The following ARHGAP39 variants were observed in gnomAD, a reference collection of about 807,000 sequenced individuals.
ARHGAP39 encodes rho GTPase-activating protein 39.
Under a neutral mutation model 106.9 loss-of-function variants are expected in ARHGAP39, and 44 were observed. The observed-to-expected ratio is 0.41, with a 90% confidence interval of 0.32 to 0.53. The LOEUF (loss-of-function observed/expected upper bound fraction) is 0.53. ARHGAP39 is among the 20% of genes least tolerant of loss of function. The pLI, the probability that ARHGAP39 is intolerant of heterozygous loss-of-function variation, is 0.21. For synonymous variants in ARHGAP39, 768 were observed against 693.2 expected, an observed-to-expected ratio of 1.11 and a Z score of -1.69; for missense variants, 1,496 against 1,577.3, an observed-to-expected ratio of 0.95 and a Z score of 0.87.
At chr8:144,611,958 G>A (rs368945652) in intron 1 of ARHGAP39, among the ~76,000 whole-genome samples, 294 of 151,158 alleles carry the variant, frequency 1.9e-3, no homozygotes, top group African/African-American at 6.4e-3. Context: ...GCAGTGGGCC[G>A]AGATTGCACC....
chr8:144,570,541 T>A (rs562438148), intron 3 of ARHGAP39, among the ~76,000 whole-genome samples: 1 of 152,248 alleles, frequency 6.6e-6, no homozygotes, highest in South Asian at 2.1e-4. Context: ...ATAGGAAAAG[T>A]CTAGCAGGAA....
In ARHGAP39 at chr8:144,605,705, G is replaced by T; in HGVS notation, c.-81-10C>A. 1 of 1,301,630 alleles carries T rather than the reference G, an allele frequency of 7.7e-7. No homozygotes were observed. Among genetic ancestry groups the T allele is most frequent in the Non-Finnish European group, 1.1e-6 (1 of 912,900 alleles). The allele number at this position is 1,301,630 out of a possible 1,614,324, so 80.6% of individuals were successfully genotyped here. A position where few individuals can be genotyped will look rare whatever the true frequency, so the allele number is the denominator to read the frequency against. On this transcript the variant is annotated splice_polypyrimidine_tract_variant and intron_variant, in intron 1 of 11. Coordinates refer to ENST00000377307, the MANE Select transcript of ARHGAP39 (RefSeq NM_025251.3). ...ACGGGAAGGTGCCGCACTGCAAGAG[G>T]GGAGAAGCAACAGTGCTGATATGGA... is the stretch of plus-strand genomic sequence containing the variant.
the ARHGAP39 span, among the ~76,000 whole-genome samples, chr8:144,691,422 G>A: frequency 8.5e-5 from 13 of 152,130 alleles, no homozygotes; most frequent in Admixed American, 5.9e-4. Context: ...AAACTCACCC[G>A]TCCAAACCCA....
intron 2 of ARHGAP39, among the ~76,000 whole-genome samples, chr8:144,596,736 G>T (rs534557624): frequency 6.6e-6 from 1 of 152,194 alleles, no homozygotes; most frequent in Non-Finnish European, 1.5e-5. Context: ...CGGGGTCCTC[G>T]GCGAAGATAA....
chr8:144,649,715 G>A (rs1821529980), intron 1 of ARHGAP39, among the ~76,000 whole-genome samples: 1 of 152,082 alleles, frequency 6.6e-6, no homozygotes, highest in South Asian at 2.1e-4. Context: ...TCCAACTTGG[G>A]TGACAAAATG....
At position 144,624,601 on chromosome 8, in the gene ARHGAP39, CCT is replaced by C. The variant is rs543267312; in HGVS notation, c.-81-18908_-81-18907del. On this transcript the variant is annotated intron_variant, in intron 1 of 11. Transcript: ENST00000377307. The stretch of plus-strand genomic sequence containing the variant: ...GCACTCACTGCACACTGCGGCAGCC[CCT>C]GTCCCGGCGGCCCGGTTCACGGAGC... 1.6e-3 allele frequency among the ~76,000 whole-genome samples: 231 copies of C among 143,988 alleles called. 2 individuals are homozygous for C. Among genetic ancestry groups the C allele is most frequent in the African/African-American group, 5.4e-3 (211 of 39,004 alleles). The allele number at this position is 143,988 out of a possible 152,430, so 94.5% of individuals were successfully genotyped here.
intron 1 of ARHGAP39, among the ~76,000 whole-genome samples, chr8:144,642,355 C>A (rs913081591): frequency 2.0e-5 from 3 of 151,916 alleles, no homozygotes; most frequent in Non-Finnish European, 4.4e-5. Context: ...GGCATGGTGG[C>A]GGGCGCCTGT....
At chr8:144,676,386 T>C (rs1464916918) in intron 1 of ARHGAP39, among the ~76,000 whole-genome samples, 1 of 151,780 alleles carries the variant, frequency 6.6e-6, no homozygotes. Context: ...GAGCACTGAT[T>C]GGTGCGTTTA....
intron 2 of ARHGAP39, among the ~76,000 whole-genome samples, chr8:144,597,887 G>A (rs1389249849): frequency 2.0e-5 from 3 of 152,106 alleles, no homozygotes; most frequent in Admixed American, 6.5e-5. Flanking sequence ...AACATGCAAC[G>A]GTACCCGGAA....
intron 1 of ARHGAP39, among the ~76,000 whole-genome samples, chr8:144,653,454 G>C (rs1478983378): frequency 1.3e-5 from 2 of 152,138 alleles, no homozygotes; most frequent in Non-Finnish European, 2.9e-5. Context: ...ACCTGCCTGG[G>C]AGCTGCTGAA....
rs1357353471 is a variant in ARHGAP39 at position 144,585,431 on chromosome 8, C to T, written c.81-4154G>A. ...GGAGGGGCCAGCCAGGGGTACCCAG[C>T]ACCGGCTCACCGAGAACCTGGAGGG... On this transcript the variant is annotated intron_variant, in intron 2 of 11. Transcript: ENST00000377307. The surrounding 1 kb of genome is among the most constrained non-coding windows in gnomAD (Gnocchi z 4.6). Among the ~76,000 whole-genome samples the T allele has an allele frequency of 6.6e-6, 1 of 151,542 alleles. No homozygotes were observed. Among genetic ancestry groups the T allele is most frequent in the Non-Finnish European group, 1.5e-5 (1 of 67,848 alleles).
At chr8:144,570,267 G>A (rs1273917500) in intron 3 of ARHGAP39, among the ~76,000 whole-genome samples, 4 of 152,112 alleles carry the variant, frequency 2.6e-5, no homozygotes, top group Admixed American at 1.3e-4. Context: ...CTTATAAGCC[G>A]AGCAGAACGT....
chr8:144,588,537 G>A (rs1284357130), intron 2 of ARHGAP39, among the ~76,000 whole-genome samples: 2 of 152,230 alleles, frequency 1.3e-5, no homozygotes, highest in African/African-American at 2.4e-5. Flanking sequence ...TGTGGGGACC[G>A]CGGAGAGCGG....
At chr8:144,620,751 C>G (rs1205488919) in intron 1 of ARHGAP39, among the ~76,000 whole-genome samples, 1 of 152,258 alleles carries the variant, frequency 6.6e-6, no homozygotes, top group Non-Finnish European at 1.5e-5. Flanking sequence ...TGAGCACCGC[C>G]TGTGCCCATC....
the ARHGAP39 span, chr8:144,698,683 C>A: frequency 2.9e-6 from 1 of 349,082 alleles, no homozygotes; most frequent in Non-Finnish European, 5.7e-6. Context: ...CCTATCTGTT[C>A]CATCCATATT....
intron 3 of ARHGAP39, among the ~76,000 whole-genome samples, chr8:144,572,026 A>T (rs1180953744): frequency 6.6e-6 from 1 of 152,262 alleles, no homozygotes; most frequent in East Asian, 1.9e-4. Context: ...GGATAGGAAG[A>T]ATCAATATCA....
intron 3 of ARHGAP39, among the ~76,000 whole-genome samples, chr8:144,562,677 C>CACTCCAGTGGTTTCCATCGG (rs1330153785): frequency 1.3e-5 from 2 of 150,578 alleles, no homozygotes; most frequent in Non-Finnish European, 3.0e-5. Context: ...CCATCGGACT[C>CACTCCAGTGGTTTCCATCGG]ACTCCAGTGG....
upstream of ARHGAP39, among the ~76,000 whole-genome samples, chr8:144,686,406 C>T (rs534710060): frequency 1.3e-5 from 2 of 152,280 alleles, no homozygotes; most frequent in African/African-American, 2.4e-5. Context: ...GCCTGGTTTT[C>T]TAGATTCTCT....
At chr8:144,613,384 A>G (rs1041069570) in intron 1 of ARHGAP39, among the ~76,000 whole-genome samples, 8 of 152,120 alleles carry the variant, frequency 5.3e-5, no homozygotes, top group Admixed American at 6.6e-5. Context: ...CATTTCTTTC[A>G]GTGAAGGTCT....
Sources: allele counts gnomAD v4.1 joint callset (sites outside exome capture counted in the v4.1 genomes callset), GRCh38; gene constraint gnomAD v4.1.1; non-coding constraint Gnocchi (gnomAD v3.1); transcripts MANE v1.5; gene names NCBI Gene and HGNC (gene_info 2026-07-23, HGNC 2026-07-21).